The following ATE1 variants were observed in gnomAD, a reference collection of about 807,000 sequenced individuals.
ATE1 encodes the protein arginyl-tRNA--protein transferase 1.
Under a neutral mutation model 70.5 loss-of-function variants are expected in ATE1, and 36 were observed. The observed-to-expected ratio is 0.51, with a 90% confidence interval of 0.39 to 0.67. The LOEUF (loss-of-function observed/expected upper bound fraction) is 0.67, where lower values mean the gene tolerates loss of function less well. Ranked by LOEUF, ATE1 falls within the 30% of genes least tolerant of loss-of-function variation. The pLI, the probability that ATE1 is intolerant of heterozygous loss-of-function variation, is 0.00. For missense variants in ATE1, 593 were observed against 629.5 expected (o/e 0.94, Z 0.62); for synonymous variants, 232 against 219.3 (o/e 1.06, Z -0.51).
At chr10:121,768,512 T>G (rs117955341) in intron 11 of ATE1, among the ~76,000 whole-genome samples, 1 of 152,002 alleles carries the variant, frequency 6.6e-6, no homozygotes, top group Admixed American at 6.6e-5. Flanking sequence ...TAGCACCCGC[T>G]CCAATAATTG....
At chr10:121,810,491 C>T (rs1194178690) in intron 10 of ATE1, among the ~76,000 whole-genome samples, 1 of 151,942 alleles carries the variant, frequency 6.6e-6, no homozygotes, top group Non-Finnish European at 1.5e-5. Flanking sequence ...AGGATGGTCT[C>T]GATACCCTGA....
chr10:121,829,046 C>T (rs532804337), intron 10 of ATE1, among the ~76,000 whole-genome samples: 44 of 152,098 alleles, frequency 2.9e-4, no homozygotes, highest in Non-Finnish European at 5.1e-4. Flanking sequence ...TAGGGCAGAA[C>T]CCTCATCTAC....
chr10:121,824,500 C>G (rs1206941355), intron 10 of ATE1, among the ~76,000 whole-genome samples: 1 of 152,172 alleles, frequency 6.6e-6, no homozygotes, highest in African/African-American at 2.4e-5. Context: ...TAAGGCCAAG[C>G]ACCTACTTTT....
intron 7 of ATE1, among the ~76,000 whole-genome samples, chr10:121,893,357 T>C (rs1298233638): frequency 6.6e-6 from 1 of 151,668 alleles, no homozygotes; most frequent in Non-Finnish European, 1.5e-5. Flanking sequence ...AGAAAATTAA[T>C]GTATTTGACA....
At chr10:121,826,140 G>A (rs1948000701) in intron 10 of ATE1, among the ~76,000 whole-genome samples, 1 of 152,142 alleles carries the variant, frequency 6.6e-6, no homozygotes, top group African/African-American at 2.4e-5. Flanking sequence ...GGGGAAGGGG[G>A]AGCTATCGTC....
rs946016355 is a variant in ATE1 at position 121,746,359 on chromosome 10, T to C, written c.1379-2501A>G. Among the ~76,000 whole-genome samples, 6 of 152,294 alleles carry C rather than the reference T, an allele frequency of 3.9e-5. No individual in the cohort carries two copies. In the South Asian group the frequency reaches 6.2e-4, roughly 16 times the overall value. On this transcript the variant is annotated intron_variant, in intron 11 of 11. Coordinates refer to ENST00000224652, the MANE Select transcript of ATE1 (RefSeq NM_001001976.3). ...CTCCATAAATATTTGCTGCATCAATTCCTGGGAGTAGAATTAATTACAGAC... is the reference window on the plus strand; with the variant it reads ...CTCCATAAATATTTGCTGCATCAATCCCTGGGAGTAGAATTAATTACAGAC...
At chr10:121,895,610 G>A (rs909558650) in intron 7 of ATE1, among the ~76,000 whole-genome samples, 19 of 146,344 alleles carry the variant, frequency 1.3e-4, no homozygotes, top group Admixed American at 1.2e-3. Flanking sequence ...GCGAAACTCC[G>A]GCTCAAAAAA....
At chr10:121,843,623 C>T (rs1948711028) in intron 8 of ATE1, among the ~76,000 whole-genome samples, 1 of 151,840 alleles carries the variant, frequency 6.6e-6, no homozygotes, top group Non-Finnish European at 1.5e-5. Flanking sequence ...AACAGACACA[C>T]ACAAATATAG....
At chr10:121,927,110 G>C in intron 1 of ATE1, 4 of 985,306 alleles carry the variant, frequency 4.1e-6, no homozygotes, top group Non-Finnish European at 4.8e-6. Flanking sequence ...CATGGCAAGA[G>C]AGGAAATAAA....
intron 10 of ATE1, among the ~76,000 whole-genome samples, chr10:121,822,254 A>G (rs1947828004): frequency 6.6e-6 from 1 of 152,238 alleles, no homozygotes; most frequent in Non-Finnish European, 1.5e-5. Flanking sequence ...TAAATCTCAC[A>G]AAGATAATGT....
rs2133791088 is a variant in ATE1, at chr10:121,841,318, T to A, written c.976-55A>T. 4 of 1,156,268 alleles carry A rather than the reference T, an allele frequency of 3.5e-6. No individual in the cohort carries two copies. In the East Asian group the frequency reaches 1.2e-4, roughly 35 times the overall value. 71.6% of individuals were successfully genotyped at this position (1,156,268 alleles called of 1,614,324 possible). ...TTTTTTTAATATTAAAATAATCTTA[T>A]AATTAATATATACTTTCATTTTCCT... On this transcript the variant is annotated intron_variant, in intron 8 of 11. Coordinates refer to ENST00000224652, the MANE Select transcript of ATE1 (RefSeq NM_001001976.3).
In ATE1 at chr10:121,742,343, A is replaced by G. The variant is rs1160156304; in HGVS notation, c.*1337T>C. On this transcript the variant is annotated 3_prime_UTR_variant, in exon 12 of 12. Transcript: ENST00000224652. ...AAGTTTAAAATTAGCAACAGGATTCAAACTACCATGTTTTATAACATGGCT... is the reference window on the plus strand; with the variant it reads ...AAGTTTAAAATTAGCAACAGGATTCGAACTACCATGTTTTATAACATGGCT... 1 of 152,224 alleles carries G rather than the reference A, an allele frequency of 6.6e-6. No individual in the cohort carries two copies. The highest frequency in any genetic ancestry group is 1.9e-4 in the East Asian group (1 of 5,196). 9.4% of individuals were successfully genotyped at this position (152,224 alleles called of 1,614,324 possible).
intron 7 of ATE1, among the ~76,000 whole-genome samples, chr10:121,881,371 G>A (rs1057398878): frequency 2.6e-5 from 4 of 152,008 alleles, no homozygotes; most frequent in African/African-American, 4.8e-5. Flanking sequence ...CCCCAATATA[G>A]CTAACTTATC....
At chr10:121,876,384 C>G (rs965460229) in intron 7 of ATE1, among the ~76,000 whole-genome samples, 1 of 152,198 alleles carries the variant, frequency 6.6e-6, no homozygotes, top group Non-Finnish European at 1.5e-5. Flanking sequence ...TCCCTAATTT[C>G]TAACAGCAAC....
At chr10:121,836,920 A>G in intron 9 of ATE1, 103 bp from the exon 10 acceptor site, 1 of 717,220 alleles carries the variant, frequency 1.4e-6, no homozygotes, top group Non-Finnish European at 2.3e-6. Context: ...TCTGGTATTA[A>G]GCTATCAAAA....
chr10:121,750,972 G>A (rs771444594), intron 11 of ATE1, among the ~76,000 whole-genome samples: 1 of 152,142 alleles, frequency 6.6e-6, no homozygotes, highest in Non-Finnish European at 1.5e-5. Context: ...TAATCTTTAC[G>A]AGGGAGGGGA....
chr10:121,826,111 T>C (rs1482329248), intron 10 of ATE1, among the ~76,000 whole-genome samples: 1 of 152,174 alleles, frequency 6.6e-6, no homozygotes, highest in East Asian at 1.9e-4. Context: ...GTACCTAGAA[T>C]AGTCAAATTC....
chr10:121,841,822 G>T (rs1381737781), intron 8 of ATE1, among the ~76,000 whole-genome samples: 4 of 152,182 alleles, frequency 2.6e-5, no homozygotes, highest in African/African-American at 9.7e-5. Context: ...AGTGTACACT[G>T]CTTGGGTGAC....
intron 11 of ATE1, among the ~76,000 whole-genome samples, chr10:121,778,815 C>T (rs1296413529): frequency 6.6e-6 from 1 of 151,994 alleles, no homozygotes; most frequent in East Asian, 1.9e-4. Flanking sequence ...GTTGGGCAGG[C>T]TGGTCTTGAA....
Sources: allele counts gnomAD v4.1 joint callset (sites outside exome capture counted in the v4.1 genomes callset), GRCh38; gene constraint gnomAD v4.1.1; transcripts MANE v1.5; gene names NCBI Gene and HGNC (gene_info 2026-07-23, HGNC 2026-07-21).